The following GNAI1 variants were observed in gnomAD, a reference collection of about 807,000 sequenced individuals.
GNAI1 encodes the protein guanine nucleotide-binding protein G(i) subunit alpha-1.
Under a neutral mutation model 38.9 loss-of-function variants are expected in GNAI1, and 11 were observed. That is an observed-to-expected ratio of 0.28 (90% CI 0.18 to 0.47). The LOEUF (loss-of-function observed/expected upper bound fraction) is 0.47, where lower values mean the gene tolerates loss of function less well. GNAI1 is among the 20% of genes least tolerant of loss of function. The pLI, the probability that GNAI1 is intolerant of heterozygous loss-of-function variation, is 0.99. For synonymous variants in GNAI1, 166 were observed against 145.1 expected (o/e 1.14, Z -1.04); for missense variants, 317 against 436.9 (o/e 0.73, Z 2.45).
At chr7:80,192,253 T>A (rs1054523576) in intron 3 of GNAI1, among the ~76,000 whole-genome samples, 1 of 152,170 alleles carries the variant, frequency 6.6e-6, no homozygotes, top group African/African-American at 2.4e-5. Flanking sequence ...AATTCTCTTA[T>A]TTTTTTAGAA....
intron 3 of GNAI1, among the ~76,000 whole-genome samples, chr7:80,192,171 T>C (rs534809198): frequency 6.6e-6 from 1 of 152,304 alleles, no homozygotes; most frequent in South Asian, 2.1e-4. Flanking sequence ...ACTGTTAAGA[T>C]TTTTACAATC....
At chr7:80,177,673 C>G (rs1276518081) in intron 1 of GNAI1, among the ~76,000 whole-genome samples, 1 of 152,046 alleles carries the variant, frequency 6.6e-6, no homozygotes, top group East Asian at 1.9e-4. Context: ...AGTTGGGGGT[C>G]TTGTAATGTT....
intron 1 of GNAI1, among the ~76,000 whole-genome samples, chr7:80,175,010 A>T (rs1788157809): frequency 6.6e-6 from 1 of 152,234 alleles, no homozygotes; most frequent in Non-Finnish European, 1.5e-5. Context: ...GTACTCCTGT[A>T]TACCAAAGCA....
chr7:80,159,520 T>C (rs561991629), intron 1 of GNAI1, among the ~76,000 whole-genome samples: 47 of 152,312 alleles, frequency 3.1e-4, no homozygotes, highest in Non-Finnish European at 5.3e-4. Context: ...AATGTAATTA[T>C]GGGGTACAAC....
chr7:80,176,115 A>G (rs953021413), intron 1 of GNAI1, among the ~76,000 whole-genome samples: 1 of 152,256 alleles, frequency 6.6e-6, no homozygotes, highest in Admixed American at 6.5e-5. Context: ...AAGGAAATTA[A>G]AAGTGCTACT....
intron 1 of GNAI1, among the ~76,000 whole-genome samples, chr7:80,171,933 A>G (rs1246604205): frequency 6.6e-6 from 1 of 152,152 alleles, no homozygotes; most frequent in Non-Finnish European, 1.5e-5. Context: ...TCCTGGAAAA[A>G]TGTCTTTAAA....
chr7:80,155,076 ATTGT>A (rs1787795473), intron 1 of GNAI1, among the ~76,000 whole-genome samples: 1 of 152,134 alleles, frequency 6.6e-6, no homozygotes, highest in Non-Finnish European at 1.5e-5. Flanking sequence ...GTTTAAATGT[ATTGT>A]TTGTTATAAA....
intron 1 of GNAI1, among the ~76,000 whole-genome samples, chr7:80,179,367 G>A (rs1788251610): frequency 6.6e-6 from 1 of 152,112 alleles, no homozygotes; most frequent in African/African-American, 2.4e-5. Flanking sequence ...GGCCTGAGAT[G>A]TCCATTTCTA....
Position 80,135,025 on chromosome 7 carries a change from T to G in GNAI1, c.-136T>G. 6.5e-6 allele frequency: 3 copies of G among 459,388 alleles called. No homozygotes were observed. Among genetic ancestry groups the G allele is most frequent in the Admixed American group, 4.3e-5 (1 of 23,390 alleles). 28.5% of individuals were successfully genotyped at this position (459,388 alleles called of 1,614,324 possible). On this transcript the variant is annotated 5_prime_UTR_variant, in exon 1 of 8. Coordinates refer to ENST00000649796, the MANE Select transcript of GNAI1 (RefSeq NM_002069.6). ...GGACAGCGTCTCCCTCGACTCCGCT[T>G]AGGAAGTGGTGGGGGCGGCGTGGCC...
At chr7:80,176,363 A>C (rs1018986809) in intron 1 of GNAI1, among the ~76,000 whole-genome samples, 1 of 152,252 alleles carries the variant, frequency 6.6e-6, no homozygotes, top group Non-Finnish European at 1.5e-5. Context: ...TAAAGCAGCA[A>C]GTGCTGATGT....
At chr7:80,205,580 C>T (rs1377064692) in intron 5 of GNAI1, among the ~76,000 whole-genome samples, 5 of 129,454 alleles carry the variant, frequency 3.9e-5, no homozygotes, top group Non-Finnish European at 3.3e-5. Flanking sequence ...TCATTTGTTA[C>T]CAGTTTGTGA....
intron 4 of GNAI1, 48 bp from the exon 5 acceptor site, chr7:80,203,656 A>G (rs1788726524): frequency 6.5e-6 from 8 of 1,222,974 alleles, no homozygotes; most frequent in Non-Finnish European, 8.2e-6. Context: ...GATGATCTTT[A>G]TTGGCTATAT....
intron 1 of GNAI1, among the ~76,000 whole-genome samples, chr7:80,155,590 G>A (rs903546001): frequency 3.3e-5 from 5 of 152,248 alleles, no homozygotes; most frequent in African/African-American, 7.2e-5. Flanking sequence ...TGTACTCTTA[G>A]TCATTAAGGT....
At chr7:80,164,204 C>T (rs1228241331) in intron 1 of GNAI1, among the ~76,000 whole-genome samples, 3 of 151,420 alleles carry the variant, frequency 2.0e-5, no homozygotes, top group Admixed American at 1.3e-4. Flanking sequence ...GCCACCACAT[C>T]CAGCTAATTT....
At chr7:80,145,036 T>C (rs1562822167) in intron 1 of GNAI1, among the ~76,000 whole-genome samples, 1 of 152,174 alleles carries the variant, frequency 6.6e-6, no homozygotes, top group Non-Finnish European at 1.5e-5. Flanking sequence ...CGTCCTCTCT[T>C]GCCTCCAGCA....
intron 1 of GNAI1, among the ~76,000 whole-genome samples, chr7:80,160,810 A>G (rs982621154): frequency 5.9e-5 from 9 of 152,212 alleles, no homozygotes; most frequent in Non-Finnish European, 1.0e-4. Context: ...CAAAAAGTAT[A>G]TTTTTTATAT....
chr7:80,170,745 A>G (rs547509410), intron 1 of GNAI1, among the ~76,000 whole-genome samples: 2 of 152,002 alleles, frequency 1.3e-5, no homozygotes, highest in Non-Finnish European at 2.9e-5. Context: ...GGGGAAATCT[A>G]CCCCCATGAT....
At position 80,212,866 on chromosome 7, in the gene GNAI1, G is replaced by T; in HGVS notation, c.871G>T (p.Ala291Ser). The T allele has an allele frequency of 6.4e-7, 1 of 1,551,284 alleles. No homozygotes were observed. The highest frequency in any genetic ancestry group is 8.7e-7 in the Non-Finnish European group (1 of 1,153,420). ...SPLTICYPEY[A>S]GSNTYEEAAA... is the part of the protein sequence containing the mutation. Reference sequence around the variant, plus strand: ...TCTCACTATATGCTATCCAGAATATGCAGGTATTTTCCTTTTCTGGGAATA... The same window carrying T: ...TCTCACTATATGCTATCCAGAATATTCAGGTATTTTCCTTTTCTGGGAATA... Residue 291 changes from alanine to serine, a missense_variant, in exon 7 of 8, where the codon GCA becomes TCA. Around this residue, in one of 5 missense-constraint regions of GNAI1, gnomAD observed 158 missense variants for 234.7 expected, o/e 0.67. Coordinates refer to ENST00000649796, the MANE Select transcript of GNAI1 (RefSeq NM_002069.6).
At chr7:80,171,531 G>C (rs891421814) in intron 1 of GNAI1, among the ~76,000 whole-genome samples, 4 of 152,258 alleles carry the variant, frequency 2.6e-5, no homozygotes, top group East Asian at 1.9e-4. Context: ...TTTTATTATT[G>C]ATGTTTATTT....
Sources: gnomAD v4.1 joint callset for allele counts (sites outside exome capture counted in the v4.1 genomes callset) on GRCh38, gnomAD v4.1.1 for gene constraint, gnomAD v4.1.1 regional missense constraint, MANE v1.5 for transcripts, NCBI Gene and HGNC (gene_info 2026-07-23, HGNC 2026-07-21) for gene names.